Variants in DPP6 observed in about 807,000 individuals in gnomAD.
The protein encoded by DPP6 is dipeptidyl peptidase like 6.
A neutral mutation model predicts 122.6 loss-of-function variants in DPP6; 69 were observed. The observed-to-expected ratio is 0.56, with a 90% CI of 0.46 to 0.69. The LOEUF (loss-of-function observed/expected upper bound fraction) is 0.69, where lower values mean the gene tolerates loss of function less well. Ranked by LOEUF, DPP6 falls within the 30% of genes least tolerant of loss-of-function variation. DPP6 has a pLI of 0.00. For synonymous variants in DPP6, 418 were observed against 433.1 expected, an observed-to-expected ratio of 0.97 and a Z score of 0.43; for missense variants, 928 against 1,116.9, an observed-to-expected ratio of 0.83 and a Z score of 2.41.
chr7:154,514,362 TC>T (rs1390924237), intron 3 of DPP6, among the ~76,000 whole-genome samples: 1 of 152,144 alleles, frequency 6.6e-6, no homozygotes, highest in Non-Finnish European at 1.5e-5. Flanking sequence ...AACCCATTTT[TC>T]TTTCTCAGGA....
intron 1 of DPP6, among the ~76,000 whole-genome samples, chr7:154,352,548 C>T (rs1810954521): frequency 6.6e-6 from 1 of 151,924 alleles, no homozygotes; most frequent in South Asian, 2.1e-4. Flanking sequence ...AGCTGGAAGC[C>T]ATCATTCTCA....
intron 1 of DPP6, among the ~76,000 whole-genome samples, chr7:154,032,774 A>G (rs1227434475): frequency 6.6e-6 from 1 of 151,936 alleles, no homozygotes; most frequent in African/African-American, 2.4e-5. Flanking sequence ...GAGACAAAAA[A>G]GATCTAGAAC....
chr7:154,636,627 T>C (rs1189061699), intron 5 of DPP6, among the ~76,000 whole-genome samples: 1 of 152,162 alleles, frequency 6.6e-6, no homozygotes, highest in Admixed American at 6.5e-5. Flanking sequence ...AAGCACCAGA[T>C]TGTTGGGATT....
intron 8 of DPP6, among the ~76,000 whole-genome samples, chr7:154,759,574 C>A (rs1020914178): frequency 1.3e-5 from 2 of 152,218 alleles, no homozygotes; most frequent in South Asian, 4.1e-4. Context: ...CTTAGCACAG[C>A]CTTTAGCTCT....
At chr7:154,685,128 C>T (rs1839520203) in intron 7 of DPP6, among the ~76,000 whole-genome samples, 1 of 152,246 alleles carries the variant, frequency 6.6e-6, no homozygotes, top group South Asian at 2.1e-4. Flanking sequence ...AACAGTAAAT[C>T]TGTGTTGTAA....
At position 154,217,088 on chromosome 7, in the gene DPP6, C is replaced by CT. The variant is rs748073995; in HGVS notation, c.243+164036dup. 6.5e-4 allele frequency among the ~76,000 whole-genome samples: 95 copies of CT among 147,220 alleles called. 1 individual carries two copies. Among genetic ancestry groups the CT allele is most frequent in the African/African-American group, 7.7e-4 (31 of 40,242 alleles). ...GCCTCCACTTTAAGGAAACAGATTA[C>CT]TTTTTTTTTTTAAAGAACTCTCAAA... On this transcript the variant is annotated intron_variant, in intron 1 of 25. Transcript: ENST00000377770.
At chr7:154,055,998 A>C (rs1585243247) in intron 1 of DPP6, 1 of 152,138 alleles carries the variant, frequency 6.6e-6, no homozygotes, top group Non-Finnish European at 1.5e-5. Flanking sequence ...ATGACTGAGA[A>C]TGGGCAATTA....
At chr7:153,810,182 G>A in the DPP6 span, among the ~76,000 whole-genome samples, 1 of 152,178 alleles carries the variant, frequency 6.6e-6, no homozygotes, top group Admixed American at 6.5e-5. Flanking sequence ...GTGAAGCCTT[G>A]TCCACGTGTT....
chr7:154,314,621 A>G (rs1398339377), intron 1 of DPP6, among the ~76,000 whole-genome samples: 1 of 152,252 alleles, frequency 6.6e-6, no homozygotes, highest in Non-Finnish European at 1.5e-5. Context: ...GGGGGAGCCC[A>G]GCTCACAAAC....
chr7:154,889,433 T>TC, intron 24 of DPP6, 24 bp from the exon 25 acceptor site: 1 of 181,992 alleles, frequency 5.5e-6, no homozygotes, highest in Non-Finnish European at 8.7e-6. Flanking sequence ...TCTTCCTCTC[T>TC]TTTTTTTTTT....
At chr7:154,177,337 A>G (rs1797856005) in intron 1 of DPP6, among the ~76,000 whole-genome samples, 1 of 152,238 alleles carries the variant, frequency 6.6e-6, no homozygotes, top group African/African-American at 2.4e-5. Flanking sequence ...TATGGTAAAA[A>G]AAAGAAGTAT....
At chr7:154,354,386 T>A (rs988247061) in intron 1 of DPP6, among the ~76,000 whole-genome samples, 1 of 152,236 alleles carries the variant, frequency 6.6e-6, no homozygotes, top group Admixed American at 6.5e-5. Context: ...ATCTTTACCC[T>A]ATTTTATTGA....
chr7:154,879,426 A>T (rs1178332599), intron 20 of DPP6, among the ~76,000 whole-genome samples: 1 of 134,286 alleles, frequency 7.4e-6, no homozygotes, highest in Non-Finnish European at 1.5e-5. Context: ...TAAAAAAAAA[A>T]AAAAATACAA....
the DPP6 span, among the ~76,000 whole-genome samples, chr7:153,757,418 A>G: frequency 0.038 from 5,159 of 136,634 alleles, 1 homozygote; most frequent in African/African-American, 0.12. Flanking sequence ...CCTCGTGGAA[A>G]CTTCTTAACT....
chr7:154,502,926 A>G (rs1586473529), intron 3 of DPP6, among the ~76,000 whole-genome samples: 1 of 152,320 alleles, frequency 6.6e-6, no homozygotes, highest in Middle Eastern at 3.4e-3. Context: ...AATGTTTCAC[A>G]TGCCTGTGAC....
At chr7:154,362,375 C>A (rs1341443509) in intron 1 of DPP6, among the ~76,000 whole-genome samples, 1 of 152,114 alleles carries the variant, frequency 6.6e-6, no homozygotes, top group Non-Finnish European at 1.5e-5. Context: ...TCATTCGGTA[C>A]AACAAAGATA....
chr7:154,309,125 T>A (rs767564325), intron 1 of DPP6, among the ~76,000 whole-genome samples: 1 of 152,120 alleles, frequency 6.6e-6, no homozygotes, highest in Non-Finnish European at 1.5e-5. Flanking sequence ...CCTCAAAAGA[T>A]CTCCAGAAAA....
intron 8 of DPP6, among the ~76,000 whole-genome samples, chr7:154,766,981 C>T (rs551958454): frequency 3.3e-5 from 5 of 152,128 alleles, no homozygotes; most frequent in East Asian, 1.9e-4. Flanking sequence ...TGCACGTGGC[C>T]GATGATTTAT....
intron 1 of DPP6, among the ~76,000 whole-genome samples, chr7:154,301,931 C>T (rs1178494424): frequency 6.6e-6 from 1 of 151,748 alleles, no homozygotes; most frequent in Non-Finnish European, 1.5e-5. Flanking sequence ...GATCCTCCTG[C>T]CTCAGCCTCC....
Sources: allele counts gnomAD v4.1 joint callset (sites outside exome capture counted in the v4.1 genomes callset), GRCh38; gene constraint gnomAD v4.1.1; transcripts MANE v1.5; gene names NCBI Gene and HGNC (gene_info 2026-07-23, HGNC 2026-07-21).